Variants in NGLY1 observed in about 807,000 individuals in gnomAD.
The protein encoded by NGLY1 is peptide-N(4)-(N-acetyl-beta-glucosaminyl)asparagine amidase.
Under a neutral mutation model 84.6 loss-of-function variants are expected in NGLY1, and 68 were observed. That is an observed-to-expected ratio of 0.80 (90% CI 0.66 to 0.98). The LOEUF is 0.98. NGLY1 is among the 50% of genes least tolerant of loss of function. The probability of loss-of-function intolerance (pLI) is 0.00; values close to 1 mark genes in which losing one functional copy is unlikely to be tolerated. For synonymous variants in NGLY1, 280 were observed against 275.2 expected (o/e 1.02, Z -0.17); for missense variants, 779 against 770.2 (o/e 1.01, Z -0.14).
At chr3:25,771,120 A>G (rs897301461) in intron 2 of NGLY1, among the ~76,000 whole-genome samples, 2 of 152,130 alleles carry the variant, frequency 1.3e-5, no homozygotes, top group Non-Finnish European at 1.5e-5. Context: ...TCTTCGTCTA[A>G]GCCAATGTCT....
chr3:25,785,951 A>G (rs1473438491), upstream of NGLY1, among the ~76,000 whole-genome samples: 1 of 152,222 alleles, frequency 6.6e-6, no homozygotes, highest in Non-Finnish European at 1.5e-5. Context: ...CTCTTGTGCC[A>G]TCTGTCTCAG....
Position 25,736,033 on chromosome 3 carries a change from A to G in NGLY1, c.1120T>C (p.Ser374Pro), listed in dbSNP as rs765144358. The G allele has an allele frequency of 3.8e-5, 61 of 1,613,740 alleles. No homozygotes were observed. The highest frequency in any genetic ancestry group is 5.0e-5 in the Non-Finnish European group (59 of 1,179,832). ...TCTTTTGAAAATGCTATGACATAGG[A>G]AAGCTTCTTGCCCCATCCTATTTCA... ...LYEIGWGKKL[S>P]YVIAFSKDEV... The change falls in exon 7 of 12, where the codon TCC (serine) becomes CCC (proline). Residue 374 changes from serine to proline, a missense_variant. Ser to Pro is a moderately conservative substitution (Grantham distance 74, BLOSUM62 -1). Transcript: ENST00000280700.
chr3:25,739,782 C>A lies in NGLY1; in HGVS notation c.676G>T (p.Glu226Ter), dbSNP rs1244504468. The change falls in exon 5 of 12, where the codon GAG becomes TAG. Residue 226 changes from glutamate (E) to a stop codon, truncating the protein, a stop_gained. Transcript: ENST00000280700. LOFTEE classifies it high-confidence loss of function. The stretch of plus-strand genomic sequence containing the variant: ...AAAAGCTCCAGCAAAAGAAAATCCT[C>A]ATCACTTATATTGATACCTGAGAAA... Reference protein sequence around the residue: ...KLDKGINISDEDFLLLELLHW... With the variant: ...KLDKGINISD 6.2e-7 allele frequency: 1 copy of A among 1,613,580 alleles called. No homozygotes were observed. The highest frequency in any genetic ancestry group is 8.5e-7 in the Non-Finnish European group (1 of 1,179,890).
chr3:25,741,917 C>G (rs1388190930), intron 4 of NGLY1, among the ~76,000 whole-genome samples: 1 of 152,136 alleles, frequency 6.6e-6, no homozygotes, highest in Non-Finnish European at 1.5e-5. Flanking sequence ...AGGAGAATCA[C>G]TTGAACCTGG....
At chr3:25,762,534 C>A (rs1575648320) in intron 3 of NGLY1, among the ~76,000 whole-genome samples, 1 of 152,118 alleles carries the variant, frequency 6.6e-6, no homozygotes, top group Non-Finnish European at 1.5e-5. Flanking sequence ...AATTTATTTT[C>A]TTCTACACTA....
At chr3:25,757,890 G>T (rs1707120698) in intron 3 of NGLY1, among the ~76,000 whole-genome samples, 1 of 152,210 alleles carries the variant, frequency 6.6e-6, no homozygotes, top group South Asian at 2.1e-4. Flanking sequence ...AGAAAAAAAT[G>T]TCATAAAGTC....
chr3:25,760,314 A>G (rs1286996772), intron 3 of NGLY1, among the ~76,000 whole-genome samples: 1 of 152,174 alleles, frequency 6.6e-6, no homozygotes, highest in Non-Finnish European at 1.5e-5. Context: ...AAATCAAAAT[A>G]TTACACATAT....
intron 6 of NGLY1, chr3:25,736,662 C>A: frequency 3.2e-6 from 1 of 313,750 alleles, no homozygotes; most frequent in Non-Finnish European, 5.8e-6. Flanking sequence ...ACATGTAGAC[C>A]ACACAAGTTA....
chr3:25,751,495 T>C lies in NGLY1; in HGVS notation c.493-232A>G, dbSNP rs9810319. On this transcript the variant is annotated intron_variant, in intron 3 of 11. Transcript: ENST00000280700. ...TTCCTTTTGTATATACTATTAAGGA[T>C]ATATTTAAATAAGGATATGCGGAAT... Among the ~76,000 whole-genome samples, 1,774 of 152,306 alleles carry C rather than the reference T, an allele frequency of 0.012. 42 individuals are homozygous for C. The highest frequency in any genetic ancestry group is 0.04 in the African/African-American group (1,673 of 41,566).
At chr3:25,778,486 CATT>C in intron 2 of NGLY1, 85 bp downstream of exon 2, 4 of 654,106 alleles carry the variant, frequency 6.1e-6, no homozygotes, top group Non-Finnish European at 1.0e-5. Flanking sequence ...AATTAAAAAA[CATT>C]ATCTTATTCA....
intron 10 of NGLY1, among the ~76,000 whole-genome samples, chr3:25,721,692 T>C (rs140639810): frequency 0.023 from 2,830 of 125,006 alleles, 102 homozygotes; most frequent in African/African-American, 0.084. Context: ...GAGCTTGCAG[T>C]GAGCCGAGAC....
intron 4 of NGLY1, among the ~76,000 whole-genome samples, chr3:25,750,250 G>A (rs1706664406): frequency 6.6e-6 from 1 of 152,114 alleles, no homozygotes; most frequent in Non-Finnish European, 1.5e-5. Context: ...CCACCACCGT[G>A]ATTCAATTAC....
chr3:25,761,535 T>C (rs1046409755), intron 3 of NGLY1, among the ~76,000 whole-genome samples: 3 of 152,106 alleles, frequency 2.0e-5, no homozygotes, highest in African/African-American at 7.2e-5. Flanking sequence ...ACCACTAAAA[T>C]GGGTATACTA....
In NGLY1 at chr3:25,721,481, C is replaced by T. The variant is rs183738591; in HGVS notation, c.1612-1290G>A. Among the ~76,000 whole-genome samples the T allele has an allele frequency of 1.6e-3, 241 of 152,110 alleles. 1 individual carries two copies. Among genetic ancestry groups the T allele is most frequent in the African/African-American group, 5.4e-3 (226 of 41,484 alleles). On this transcript the variant is annotated intron_variant, in intron 10 of 11. Transcript: ENST00000280700. Reference sequence around the variant, plus strand: ...AAATCCTCCACAATTAGGCTGGGCACGGTGGCTCACGCCTGTAATCCCAGC... The same window carrying T: ...AAATCCTCCACAATTAGGCTGGGCATGGTGGCTCACGCCTGTAATCCCAGC...
chr3:25,724,346 C>T (rs947387413), intron 10 of NGLY1, among the ~76,000 whole-genome samples: 25 of 152,310 alleles, frequency 1.6e-4, no homozygotes, highest in African/African-American at 5.8e-4. Context: ...AGCTGTATTT[C>T]AAGGAATCTC....
At position 25,737,419 on chromosome 3, in the gene NGLY1, A is replaced by G; in HGVS notation, c.918T>C (p.Cys306=). Residue 306 remains cysteine (C), a synonymous_variant, in exon 6 of 12, where the codon TGT becomes TGC. Coordinates refer to ENST00000280700, the MANE Select transcript of NGLY1 (RefSeq NM_018297.4). ...NNPEKLLETR[C]GRCGEWANCF... ...AATTGGCCCACTCGCCACACCGTCC[A>G]CATCTTGTTTCCAAAAGTTTCTCAG... 1 of 1,613,396 alleles carries G rather than the reference A, an allele frequency of 6.2e-7. No individual in the cohort carries two copies. The highest frequency in any genetic ancestry group is 8.5e-7 in the Non-Finnish European group (1 of 1,179,814).
At chr3:25,720,247 G>A in intron 10 of NGLY1, 56 bp from the exon 11 acceptor site, 1 of 1,404,718 alleles carries the variant, frequency 7.1e-7, no homozygotes, top group Non-Finnish European at 9.9e-7. Flanking sequence ...AAATAGTATA[G>A]AAAACAAACT....
intron 1 of NGLY1, among the ~76,000 whole-genome samples, chr3:25,781,487 A>G (rs1323487678): frequency 2.6e-5 from 4 of 152,190 alleles, no homozygotes; most frequent in Non-Finnish European, 5.9e-5. Context: ...CAAACCCATC[A>G]TATCCTCTTT....
intron 2 of NGLY1, among the ~76,000 whole-genome samples, chr3:25,764,783 G>C (rs114762292): frequency 0.016 from 2,465 of 152,228 alleles, 70 homozygotes; most frequent in African/African-American, 0.056. Flanking sequence ...AACAACCTTT[G>C]AATCTTGTTA....
Sources: gnomAD v4.1 joint callset for allele counts (sites outside exome capture counted in the v4.1 genomes callset) on GRCh38, gnomAD v4.1.1 for gene constraint, MANE v1.5 for transcripts, NCBI Gene and HGNC (gene_info 2026-07-23, HGNC 2026-07-21) for gene names.